The following TXNRD1 variants were observed in gnomAD, a reference collection of about 807,000 sequenced individuals.
The protein encoded by TXNRD1 is thioredoxin reductase 1, also known as thioredoxin reductase 1, cytoplasmic.
In TXNRD1, 57 loss-of-function variants were observed where a neutral mutation model predicts 80.3. The observed-to-expected ratio is 0.71, with a 90% CI of 0.57 to 0.89. The LOEUF (loss-of-function observed/expected upper bound fraction) is 0.89. TXNRD1 is among the 40% of genes least tolerant of loss of function. The probability of loss-of-function intolerance (pLI) is 0.00; values close to 1 mark genes in which losing one functional copy is unlikely to be tolerated. For missense variants in TXNRD1, 730 were observed against 803.0 expected, an observed-to-expected ratio of 0.91 and a Z score of 1.10; for synonymous variants, 291 against 285.2, an observed-to-expected ratio of 1.02 and a Z score of -0.20.
chr12:104,343,798 CAAAAA>C (rs35961669), intron 16 of TXNRD1, among the ~76,000 whole-genome samples: 9 of 145,812 alleles, frequency 6.2e-5, no homozygotes, highest in Admixed American at 4.1e-4. Context: ...GACCCTGTCT[CAAAAA>C]AAAAAAATAA....
intron 3 of TXNRD1, among the ~76,000 whole-genome samples, chr12:104,278,170 C>A (rs576103110): frequency 6.9e-6 from 1 of 144,334 alleles, no homozygotes; most frequent in South Asian, 2.2e-4. Flanking sequence ...AGCCACCATG[C>A]CTGGCCTCTG....
At chr12:104,319,416 T>C in intron 8 of TXNRD1, 54 bp from the exon 9 acceptor site, 1 of 1,180,820 alleles carries the variant, frequency 8.5e-7, no homozygotes, top group South Asian at 1.4e-5. Context: ...CTATGAAGTT[T>C]ACAATTCTGA....
chr12:104,260,097 G>A (rs2033333845), intron 3 of TXNRD1, among the ~76,000 whole-genome samples: 2 of 152,200 alleles, frequency 1.3e-5, no homozygotes, highest in South Asian at 4.1e-4. Context: ...ACTTTGGGAG[G>A]TGGAGGTGGG....
rs756054310 is a variant in TXNRD1, at chr12:104,303,959, G to C, written c.415-7331G>C. The C allele has an allele frequency of 1.4e-4, 228 of 1,601,566 alleles. 1 individual carries two copies. Among genetic ancestry groups the C allele is most frequent in the Non-Finnish European group, 1.8e-4 (209 of 1,178,608 alleles). ...GATGAAGATGGATGTGTCAGTGAGG[G>C]CCGCGGGCTGCTCCGACGACCTCAG... On this transcript the variant is annotated intron_variant, in intron 4 of 16. Coordinates refer to ENST00000525566, the MANE Select transcript of TXNRD1 (RefSeq NM_001093771.3).
At chr12:104,301,855 T>C (rs113961394) in intron 4 of TXNRD1, among the ~76,000 whole-genome samples, 39 of 152,362 alleles carry the variant, frequency 2.6e-4, no homozygotes, top group African/African-American at 7.7e-4. Context: ...TTTTCCTTTA[T>C]TTTAGAAGAG....
At chr12:104,286,914 C>A in intron 3 of TXNRD1, 2 of 1,160,214 alleles carry the variant, frequency 1.7e-6, no homozygotes, top group South Asian at 3.8e-5. Context: ...CAGGGCTGCA[C>A]GAGGAGTGGA....
At chr12:104,348,218 C>G in intron 16 of TXNRD1, 135 bp from the exon 17 acceptor site, 1 of 715,710 alleles carries the variant, frequency 1.4e-6, no homozygotes, top group Non-Finnish European at 2.4e-6. Flanking sequence ...TATCCTTGAT[C>G]ATACTACTTC....
chr12:104,254,310 A>G (rs1307696329), intron 2 of TXNRD1, among the ~76,000 whole-genome samples: 1 of 152,072 alleles, frequency 6.6e-6, no homozygotes. Context: ...TCCTTTTCCT[A>G]TCAGGACTTA....
intron 4 of TXNRD1, chr12:104,305,052 C>T (rs1355422189): frequency 9.1e-7 from 1 of 1,094,044 alleles, no homozygotes; most frequent in East Asian, 2.7e-5. Context: ...TTTTCAAGAA[C>T]ATCAGACATT....
chr12:104,258,194 C>A, intron 3 of TXNRD1, 115 bp downstream of exon 3: 1 of 740,652 alleles, frequency 1.4e-6, no homozygotes, highest in Non-Finnish European at 2.2e-6. Context: ...TGAGCACTTG[C>A]TAGCTGATTC....
chr12:104,285,141 T>A (rs1226334875), intron 3 of TXNRD1, among the ~76,000 whole-genome samples: 1 of 152,098 alleles, frequency 6.6e-6, no homozygotes, highest in Non-Finnish European at 1.5e-5. Context: ...GCCACTGCAC[T>A]CCAGCCAGAG....
intron 3 of TXNRD1, among the ~76,000 whole-genome samples, chr12:104,279,029 C>T (rs2135733197): frequency 6.6e-6 from 1 of 152,314 alleles, no homozygotes; most frequent in East Asian, 1.9e-4. Context: ...GTGAGCATAA[C>T]TAATCCTGGT....
intron 1 of TXNRD1, among the ~76,000 whole-genome samples, chr12:104,243,837 G>A (rs1231290768): frequency 1.3e-5 from 2 of 152,196 alleles, no homozygotes; most frequent in African/African-American, 4.8e-5. Flanking sequence ...TTTAGTCTGT[G>A]TTTAGCCTTG....
At chr12:104,342,150 G>A (rs6539138) in intron 16 of TXNRD1, among the ~76,000 whole-genome samples, 127,017 of 152,016 alleles carry the variant, frequency 0.84, 53,179 homozygotes, top group Non-Finnish European at 0.86. Context: ...TTAATCATTG[G>A]CCATTGGTAA....
At chr12:104,232,676 G>A (rs762806918) in intron 1 of TXNRD1, among the ~76,000 whole-genome samples, 20 of 152,162 alleles carry the variant, frequency 1.3e-4, no homozygotes, top group South Asian at 1.2e-3. Flanking sequence ...TGCATGTCAA[G>A]TTTGATTCCT....
At chr12:104,325,871 CAAAA>C (rs34788892) in intron 11 of TXNRD1, among the ~76,000 whole-genome samples, 5 of 130,020 alleles carry the variant, frequency 3.8e-5, no homozygotes, top group Admixed American at 7.6e-5. Flanking sequence ...GACTCCATCT[CAAAA>C]AAAAAAAAAA....
intron 3 of TXNRD1, among the ~76,000 whole-genome samples, chr12:104,264,752 C>T (rs1007682797): frequency 6.6e-6 from 1 of 152,074 alleles, no homozygotes; most frequent in African/African-American, 2.4e-5. Flanking sequence ...CAATTTTTTG[C>T]TATTGTGGAA....
intron 13 of TXNRD1, among the ~76,000 whole-genome samples, chr12:104,328,421 T>G (rs1321871481): frequency 6.6e-6 from 1 of 152,090 alleles, no homozygotes; most frequent in Non-Finnish European, 1.5e-5. Flanking sequence ...ACAAAGTAGC[T>G]TAAACCACTA....
intron 3 of TXNRD1, among the ~76,000 whole-genome samples, chr12:104,268,100 C>G (rs1030234440): frequency 7.9e-5 from 12 of 151,894 alleles, no homozygotes; most frequent in African/African-American, 2.9e-4. Context: ...ATCCACCTAC[C>G]TACCTTGGCC....
Sources: allele counts gnomAD v4.1 joint callset (sites outside exome capture counted in the v4.1 genomes callset), GRCh38; gene constraint gnomAD v4.1.1; transcripts MANE v1.5; gene names NCBI Gene and HGNC (gene_info 2026-07-23, HGNC 2026-07-21).